The following CXADR variants were observed in gnomAD, a reference collection of about 807,000 sequenced individuals.
CXADR encodes the protein CXADR cell adhesion molecule.
CXADR carries 20 observed loss-of-function variants against 40.3 expected under a neutral mutation model. The observed-to-expected ratio is 0.50, with a 90% confidence interval of 0.35 to 0.72. The LOEUF (loss-of-function observed/expected upper bound fraction) is 0.72. Ranked by LOEUF, CXADR falls within the 30% of genes least tolerant of loss-of-function variation. CXADR has a pLI of 0.01. For missense variants in CXADR, 332 were observed against 449.1 expected (o/e 0.74, Z 2.36); for synonymous variants, 150 against 161.3 (o/e 0.93, Z 0.53).
chr21:17,618,293 T>C, the CXADR span, among the ~76,000 whole-genome samples: 3 of 152,204 alleles, frequency 2.0e-5, no homozygotes. Flanking sequence ...TTCTACCCCA[T>C]CTGCAGTTAC....
chr21:17,514,384 C>T (rs1260686108), intron 1 of CXADR, among the ~76,000 whole-genome samples: 1 of 152,036 alleles, frequency 6.6e-6, no homozygotes, highest in African/African-American at 2.4e-5. Context: ...GCACTACCTC[C>T]ACCTTTTTGA....
chr21:17,595,593 T>A (rs2061494300), downstream of CXADR, among the ~76,000 whole-genome samples: 1 of 151,992 alleles, frequency 6.6e-6, no homozygotes, highest in Non-Finnish European at 1.5e-5. Context: ...TAAAGATCCT[T>A]CTCATTTTTC....
chr21:17,605,181 G>GA, the CXADR span: 15 of 633,132 alleles, frequency 2.4e-5, no homozygotes, highest in South Asian at 2.1e-4. Context: ...GAGGCAGCCT[G>GA]AAAAAAAGAT....
At chr21:17,616,877 T>C in the CXADR span, among the ~76,000 whole-genome samples, 4 of 152,340 alleles carry the variant, frequency 2.6e-5, no homozygotes, top group Middle Eastern at 3.4e-3. Flanking sequence ...CATTAGCTTC[T>C]TAAATATCCA....
rs2061250614 is a variant in CXADR, at chr21:17,568,959, T to C, written c.*3267T>C. 1.0e-6 allele frequency: 1 copy of C among 983,374 alleles called. No individual in the cohort carries two copies. Among genetic ancestry groups the C allele is most frequent in the South Asian group, 4.7e-5 (1 of 21,248 alleles). The allele number at this position is 983,374 out of a possible 1,614,324, so 60.9% of individuals were successfully genotyped here. A position where few individuals can be genotyped will look rare whatever the true frequency, so the allele number is the denominator to read the frequency against. ...TCCAAATCACTATCCATATAGATCA[T>C]GGATATAAAGAGATACCTGATTTTT... On this transcript the variant is annotated 3_prime_UTR_variant, in exon 7 of 7. Transcript: ENST00000284878.
At chr21:17,520,842 G>A (rs2060521509) in intron 1 of CXADR, among the ~76,000 whole-genome samples, 1 of 152,160 alleles carries the variant, frequency 6.6e-6, no homozygotes, top group South Asian at 2.1e-4. Context: ...AGTGTATAAT[G>A]ATGTCACTAA....
the CXADR span, among the ~76,000 whole-genome samples, chr21:17,628,592 C>A: frequency 6.6e-6 from 1 of 152,128 alleles, no homozygotes; most frequent in Non-Finnish European, 1.5e-5. Flanking sequence ...CCTCTGCCTC[C>A]CAGGTTCAAG....
the CXADR span, among the ~76,000 whole-genome samples, chr21:17,635,786 T>A: frequency 6.6e-6 from 1 of 152,256 alleles, no homozygotes. Context: ...TTCTGCACTT[T>A]AATTTAAACT....
chr21:17,575,303 C>T (rs1032983946), intron 7 of CXADR, among the ~76,000 whole-genome samples: 4 of 151,950 alleles, frequency 2.6e-5, no homozygotes, highest in South Asian at 2.1e-4. Flanking sequence ...CCTGCCTCAG[C>T]CTCTCAAGTA....
intron 1 of CXADR, chr21:17,519,025 T>A: frequency 6.6e-7 from 1 of 1,518,022 alleles, no homozygotes; most frequent in Non-Finnish European, 9.1e-7. Context: ...GGGAGGGTCC[T>A]CCAGCACCAG....
rs2061073073 is a variant in CXADR, at chr21:17,559,099, A to G, written c.539A>G (p.Asp180Gly). Residue 180 changes from aspartate (D) to glycine (G), a missense_variant, in exon 4 of 7, where the codon GAC (aspartate) becomes GGC (glycine). Around this residue, in one of 3 missense-constraint regions of CXADR, gnomAD observed 20 missense variants for 56.4 expected, o/e 0.35. Coordinates refer to ENST00000284878, the MANE Select transcript of CXADR (RefSeq NM_001338.5). The stretch of plus-strand genomic sequence containing the variant: ...CAGTATGAGTGGCAAAAATTGTCTG[A>G]CTCACAGAAAATGCCCACTTCATGG... Reference protein sequence around the residue: ...PLQYEWQKLSDSQKMPTSWLA... With the variant: ...PLQYEWQKLSGSQKMPTSWLA... 1.2e-6 allele frequency: 2 copies of G among 1,614,104 alleles called. No individual in the cohort carries two copies. Among genetic ancestry groups the G allele is most frequent in the East Asian group, 4.5e-5 (2 of 44,890 alleles).
intron 2 of CXADR, among the ~76,000 whole-genome samples, chr21:17,548,082 A>G (rs2060921584): frequency 6.6e-6 from 1 of 152,144 alleles, no homozygotes; most frequent in African/African-American, 2.4e-5. Context: ...AATAAATTAT[A>G]TTAGATCAGG....
chr21:17,614,846 A>G, the CXADR span, among the ~76,000 whole-genome samples: 2 of 152,258 alleles, frequency 1.3e-5, no homozygotes, highest in Admixed American at 6.5e-5. Context: ...TTGCACACAC[A>G]GTATTTGTTT....
chr21:17,563,694 C>CA (rs991204512), intron 6 of CXADR, among the ~76,000 whole-genome samples: 8 of 151,932 alleles, frequency 5.3e-5, no homozygotes, highest in African/African-American at 1.9e-4. Flanking sequence ...GTAATCCCAG[C>CA]ACTTAGGGAG....
chr21:17,588,848 A>G (rs958002807), intron 7 of CXADR, among the ~76,000 whole-genome samples: 1 of 152,106 alleles, frequency 6.6e-6, no homozygotes, highest in Non-Finnish European at 1.5e-5. Context: ...CTGGGATTTT[A>G]AAATTATGAT....
At chr21:17,528,209 G>C (rs1293081759) in intron 1 of CXADR, among the ~76,000 whole-genome samples, 1 of 151,424 alleles carries the variant, frequency 6.6e-6, no homozygotes, top group African/African-American at 2.4e-5. Flanking sequence ...GAGTAGCTGG[G>C]ACTACAGGTG....
the CXADR span, among the ~76,000 whole-genome samples, chr21:17,626,273 A>C: frequency 2.1e-4 from 32 of 152,348 alleles, no homozygotes; most frequent in African/African-American, 7.7e-4. Context: ...TTTTTTAAAA[A>C]AATAATTTTT....
At position 17,559,674 on chromosome 21, in the gene CXADR, T is replaced by G. The variant is rs1224429143; in HGVS notation, c.571+543T>G. Among the ~76,000 whole-genome samples the G allele has an allele frequency of 3.7e-3, 537 of 143,872 alleles. 15 individuals carry two copies. The highest frequency in any genetic ancestry group is 0.012 in the African/African-American group (442 of 38,210). The allele number at this position is 143,872 out of a possible 152,430, so 94.4% of individuals were successfully genotyped here. ...ACTTTGGTACTTTTTTTTGGGTTTT[T>G]TTTTTTTTTTTTTTTTTCCGAGACA... On this transcript the variant is annotated intron_variant, in intron 4 of 6. Coordinates refer to ENST00000284878, the MANE Select transcript of CXADR (RefSeq NM_001338.5).
intron 5 of CXADR, 67 bp from the exon 6 acceptor site, chr21:17,561,271 G>T (rs774185810): frequency 6.6e-6 from 6 of 905,770 alleles, no homozygotes; most frequent in Non-Finnish European, 9.5e-6. Context: ...AAAATGTATA[G>T]CCTACCTTCA....
Sources: gnomAD v4.1 joint callset for allele counts (sites outside exome capture counted in the v4.1 genomes callset) on GRCh38, gnomAD v4.1.1 for gene constraint, gnomAD v4.1.1 regional missense constraint, MANE v1.5 for transcripts, NCBI Gene and HGNC (gene_info 2026-07-23, HGNC 2026-07-21) for gene names.